Variants in ME3 observed in about 807,000 individuals in gnomAD.
The protein encoded by ME3 is malic enzyme 3.
In ME3, 48 loss-of-function variants were observed where a neutral mutation model predicts 68.9. The ratio of observed to expected loss-of-function variants is 0.70; its 90% CI spans 0.55 to 0.89. The LOEUF is 0.89. Among genes scored for constraint, ME3 ranks in the 40% least tolerant of loss-of-function variants. The pLI is 0.00. For synonymous variants in ME3, 320 were observed against 318.8 expected (o/e 1.00, Z -0.04); for missense variants, 675 against 797.4 (o/e 0.85, Z 1.85).
intron 4 of ME3, among the ~76,000 whole-genome samples, chr11:86,533,510 A>G (rs902135229): frequency 2.6e-5 from 4 of 152,188 alleles, no homozygotes; most frequent in African/African-American, 9.6e-5. Flanking sequence ...TCAAAAGTCA[A>G]CCATCAAAGA....
intron 2 of ME3, among the ~76,000 whole-genome samples, chr11:86,648,919 A>C (rs577883765): frequency 6.6e-6 from 1 of 152,302 alleles, no homozygotes; most frequent in East Asian, 1.9e-4. Flanking sequence ...ATTCCTTCTA[A>C]AACTATTCCA....
At chr11:86,502,436 T>TG (rs960047966) in intron 5 of ME3, among the ~76,000 whole-genome samples, 1 of 152,222 alleles carries the variant, frequency 6.6e-6, no homozygotes, top group African/African-American at 2.4e-5. Flanking sequence ...GCACTTAACT[T>TG]GGTGTCTGTA....
chr11:86,558,551 G>A (rs1164002915), intron 3 of ME3, among the ~76,000 whole-genome samples: 1 of 152,134 alleles, frequency 6.6e-6, no homozygotes, highest in Non-Finnish European at 1.5e-5. Flanking sequence ...AGTGCAGGGT[G>A]ACCCTGGCAT....
rs757475948 is a variant in ME3 at position 86,508,802 on chromosome 11, T to C, written c.533A>G (p.Asp178Gly). Residue 178 changes from aspartate to glycine, a missense_variant, in exon 5 of 15, where the codon GAC becomes GGC. Asp to Gly is a moderately conservative substitution (Grantham distance 94). Transcript: ENST00000543262. The stretch of plus-strand genomic sequence containing the variant: ...AAAACGGGATCATACCTTAATATTG[T>C]CTTCTGGCCAAGAATTCAGCATTGT... The C allele has an allele frequency of 2.5e-6, 4 of 1,611,638 alleles. No homozygotes were observed. The South Asian group carries it at 4.4e-5, about 18-fold the overall frequency.
chr11:86,566,124 T>G (rs993647116), intron 2 of ME3, among the ~76,000 whole-genome samples: 1 of 152,198 alleles, frequency 6.6e-6, no homozygotes, highest in Non-Finnish European at 1.5e-5. Flanking sequence ...CTGACAATAG[T>G]GATCCCCTGA....
At position 86,520,613 on chromosome 11, in the gene ME3, C is replaced by G. The variant is rs1565892383; in HGVS notation, c.468-11746G>C. Among the ~76,000 whole-genome samples the G allele has an allele frequency of 2.6e-5, 4 of 152,220 alleles. No homozygotes were observed. In the South Asian group the frequency reaches 8.3e-4, roughly 32 times the overall value. On this transcript the variant is annotated intron_variant, in intron 4 of 14. Coordinates refer to ENST00000543262, the Ensembl canonical transcript of ME3. ...CCCTTCTAGGGCCCCTTGGCCCTGC[C>G]CTTTCTCTGCCTCCCTCTTGTTCCT...
chr11:86,551,550 G>A (rs192818853), intron 4 of ME3, among the ~76,000 whole-genome samples: 6 of 152,276 alleles, frequency 3.9e-5, no homozygotes, highest in African/African-American at 1.2e-4. Flanking sequence ...CAGGAAATTG[G>A]CTCTTGGTCA....
intron 2 of ME3, among the ~76,000 whole-genome samples, chr11:86,567,323 A>G (rs1170714990): frequency 2.6e-5 from 4 of 152,236 alleles, no homozygotes; most frequent in East Asian, 3.9e-4. Context: ...GCTACTCCCA[A>G]TTTCCTCTTT....
chr11:86,617,126 T>TTCTGGG (rs1159742324), intron 2 of ME3, among the ~76,000 whole-genome samples: 1 of 146,596 alleles, frequency 6.8e-6, no homozygotes, highest in Non-Finnish European at 1.5e-5. Context: ...TGGTTTTCAG[T>TTCTGGG]TCTGGGTCTG....
chr11:86,591,483 G>A lies in ME3; in HGVS notation c.184-31660C>T, dbSNP rs149902658. Among the ~76,000 whole-genome samples the A allele has an allele frequency of 1.8e-3, 274 of 152,344 alleles. 1 individual carries two copies. Among genetic ancestry groups the A allele is most frequent in the African/African-American group, 6.5e-3 (270 of 41,566 alleles). ...ACAGACAACACAGACAGAGGGACAA[G>A]GATCATGTGAGGTCACAGCAGGAAG... On this transcript the variant is annotated intron_variant, in intron 2 of 14. Transcript: ENST00000543262.
downstream of ME3, among the ~76,000 whole-genome samples, chr11:86,438,156 T>G (rs923359361): frequency 6.6e-6 from 1 of 152,216 alleles, no homozygotes; most frequent in South Asian, 2.1e-4. Flanking sequence ...TTCTTTTCTA[T>G]TTCTACTTTG....
chr11:86,652,192 T>C (rs916775356), intron 2 of ME3, among the ~76,000 whole-genome samples: 1 of 152,162 alleles, frequency 6.6e-6, no homozygotes, highest in African/African-American at 2.4e-5. Flanking sequence ...CCAGGAGAAC[T>C]TCCCCAATCT....
rs115647692 is a variant in ME3, at chr11:86,605,578, C to T, written c.184-45755G>A. 4.9e-3 allele frequency among the ~76,000 whole-genome samples: 750 copies of T among 152,324 alleles called. 8 individuals are homozygous for T. The highest frequency in any genetic ancestry group is 0.018 in the African/African-American group (732 of 41,568). Reference sequence around the variant, plus strand: ...CAGAGTGCCTTCTAGCCATGACAATCTATGACCTGGCATTTTCTGTATGAA... The same window carrying T: ...CAGAGTGCCTTCTAGCCATGACAATTTATGACCTGGCATTTTCTGTATGAA... On this transcript the variant is annotated intron_variant, in intron 2 of 14. Coordinates refer to ENST00000543262, the Ensembl canonical transcript of ME3.
At chr11:86,573,899 T>C (rs1016467394) in intron 2 of ME3, among the ~76,000 whole-genome samples, 6 of 152,244 alleles carry the variant, frequency 3.9e-5, no homozygotes, top group African/African-American at 7.2e-5. Context: ...CATGTGGTTA[T>C]TGTCATTGGT....
At chr11:86,519,652 T>C (rs1427796467) in intron 4 of ME3, among the ~76,000 whole-genome samples, 1 of 152,212 alleles carries the variant, frequency 6.6e-6, no homozygotes, top group Non-Finnish European at 1.5e-5. Flanking sequence ...CCATTCCACA[T>C]ATTTTTTGGC....
intron 4 of ME3, among the ~76,000 whole-genome samples, chr11:86,539,993 C>T (rs1174668291): frequency 6.6e-6 from 1 of 152,186 alleles, no homozygotes; most frequent in Admixed American, 6.5e-5. Context: ...GTATGGTAAA[C>T]GTATCTGATA....
At chr11:86,614,785 C>G (rs891105185) in intron 2 of ME3, among the ~76,000 whole-genome samples, 1 of 152,168 alleles carries the variant, frequency 6.6e-6, no homozygotes, top group African/African-American at 2.4e-5. Flanking sequence ...AATATCTTCT[C>G]TATATCTCTC....
rs542752279 is a variant in ME3 at position 86,573,102 on chromosome 11, C to T, written c.184-13279G>A. Among the ~76,000 whole-genome samples, 9 of 152,254 alleles carry T rather than the reference C, an allele frequency of 5.9e-5. No individual in the cohort carries two copies. The East Asian group carries it at 1.2e-3, about 20-fold the overall frequency. On this transcript the variant is annotated intron_variant, in intron 2 of 14. Coordinates refer to ENST00000543262, the Ensembl canonical transcript of ME3. ...TTTTTGAGAAGTGTCTGTTCATATA[C>T]TTTGCCCACTTTTTGATGGGGTTGG...
At position 86,535,331 on chromosome 11, in the gene ME3, G is replaced by A. The variant is rs555791036; in HGVS notation, c.467+21222C>T. On this transcript the variant is annotated intron_variant, in intron 4 of 14. Coordinates refer to ENST00000543262, the Ensembl canonical transcript of ME3. ...CTATGTCGTCCACTTGGCTGCACGTGGGAAGCACAGATTGGCTTATCCAGG... is the reference window on the plus strand; with the variant it reads ...CTATGTCGTCCACTTGGCTGCACGTAGGAAGCACAGATTGGCTTATCCAGG... 1.9e-3 allele frequency among the ~76,000 whole-genome samples: 282 copies of A among 152,246 alleles called. 1 individual carries two copies. The highest frequency in any genetic ancestry group is 6.4e-3 in the African/African-American group (266 of 41,548).
Sources: gnomAD v4.1 joint callset for allele counts (sites outside exome capture counted in the v4.1 genomes callset) on GRCh38, gnomAD v4.1.1 for gene constraint, MANE v1.5 for transcripts, NCBI Gene and HGNC (gene_info 2026-07-23, HGNC 2026-07-21) for gene names.